Variants in TDP1 observed in about 807,000 individuals in gnomAD.
The protein encoded by TDP1 is tyrosyl-DNA phosphodiesterase 1, also known as tyr-DNA phosphodiesterase 1.
In TDP1, 64 loss-of-function variants were observed where a neutral mutation model predicts 81.5. That is an observed-to-expected ratio of 0.79 (90% CI 0.64 to 0.97). TDP1 has a LOEUF of 0.97. Ranked by LOEUF, TDP1 falls within the 50% of genes least tolerant of loss-of-function variation. The probability of loss-of-function intolerance (pLI) is 0.00; values close to 1 mark genes in which losing one functional copy is unlikely to be tolerated. For synonymous variants in TDP1, 256 were observed against 264.3 expected, an observed-to-expected ratio of 0.97 and a Z score of 0.30; for missense variants, 723 against 743.8, an observed-to-expected ratio of 0.97 and a Z score of 0.33.
chr14:90,008,680 T>G (rs1201814980), intron 14 of TDP1, among the ~76,000 whole-genome samples: 2 of 152,246 alleles, frequency 1.3e-5, no homozygotes, highest in African/African-American at 4.8e-5. Context: ...TATGCTTGTT[T>G]CATTATTTCT....
chr14:89,983,106 T>C (rs988317576), intron 8 of TDP1: 3 of 455,926 alleles, frequency 6.6e-6, no homozygotes, highest in African/African-American at 6.0e-5. Flanking sequence ...GTCTTGTTTC[T>C]CATCCAGAAC....
rs950797902 is a variant in TDP1 at position 89,980,784 on chromosome 14, T to G, written c.884+152T>G. On this transcript the variant is annotated intron_variant, in intron 8 of 16. Coordinates refer to ENST00000335725, the MANE Select transcript of TDP1 (RefSeq NM_018319.4). Reference sequence around the variant, plus strand: ...AAGAGTTGTATGCAGAAAAAGTTACTGTATTCTTTTACTACCTGCCCCATT... The same window carrying G: ...AAGAGTTGTATGCAGAAAAAGTTACGGTATTCTTTTACTACCTGCCCCATT... The G allele has an allele frequency of 4.3e-6, 3 of 702,664 alleles. No individual in the cohort carries two copies. The African/African-American group carries it at 5.4e-5, about 13-fold the overall frequency. 43.5% of individuals were successfully genotyped at this position (702,664 alleles called of 1,614,324 possible). A position where few individuals can be genotyped will look rare whatever the true frequency, so the allele number is the denominator to read the frequency against.
At chr14:89,962,799 G>C in intron 2 of TDP1, 1 of 395,614 alleles carries the variant, frequency 2.5e-6, no homozygotes, top group Non-Finnish European at 3.4e-6. Context: ...TTGAGCCCAG[G>C]AGGCAGATGT....
intron 13 of TDP1, 30 bp from the exon 14 acceptor site, chr14:89,993,346 A>G (rs939056477): frequency 2.6e-6 from 4 of 1,555,494 alleles, no homozygotes; most frequent in Non-Finnish European, 3.5e-6. Flanking sequence ...TTATTTCATA[A>G]TTAGTAACTT....
chr14:90,014,438 G>T (rs1306944478), intron 14 of TDP1, among the ~76,000 whole-genome samples: 3 of 152,188 alleles, frequency 2.0e-5, no homozygotes, highest in Admixed American at 2.0e-4. Flanking sequence ...TTTAGGAAAG[G>T]GCAACAGCAG....
intron 4 of TDP1, chr14:89,966,915 T>C: frequency 2.3e-6 from 2 of 868,292 alleles, no homozygotes; most frequent in Non-Finnish European, 2.8e-6. Context: ...CCCAGGTGGC[T>C]GTGTACAAAG....
chr14:89,974,419 T>C (rs1473165992), intron 6 of TDP1, among the ~76,000 whole-genome samples: 2 of 152,182 alleles, frequency 1.3e-5, no homozygotes, highest in Admixed American at 6.5e-5. Context: ...AAACATGAAA[T>C]AGAGTTCCCT....
intron 11 of TDP1, chr14:89,989,356 A>G (rs905404356): frequency 3.0e-6 from 3 of 985,218 alleles, no homozygotes; most frequent in Admixed American, 6.2e-5. Flanking sequence ...TGATTTTTCT[A>G]TCCTTTCTTT....
chr14:89,962,873 C>CAAA, intron 2 of TDP1: 1 of 718,832 alleles, frequency 1.4e-6, no homozygotes, highest in Non-Finnish European at 1.7e-6. Context: ...GACCCTGTTT[C>CAAA]AAAAAAAAAA....
At chr14:90,035,607 A>G (rs1478943575) in intron 16 of TDP1, among the ~76,000 whole-genome samples, 1 of 152,182 alleles carries the variant, frequency 6.6e-6, no homozygotes, top group Non-Finnish European at 1.5e-5. Context: ...AACTGTGAGT[A>G]TCTACCTTAT....
At chr14:90,018,336 C>G (rs566256319) in intron 14 of TDP1, among the ~76,000 whole-genome samples, 1 of 152,172 alleles carries the variant, frequency 6.6e-6, no homozygotes, top group Non-Finnish European at 1.5e-5. Flanking sequence ...CTGCCACATT[C>G]GCTTATAAAA....
chr14:89,974,712 T>C (rs1894070163), intron 6 of TDP1, among the ~76,000 whole-genome samples: 1 of 152,206 alleles, frequency 6.6e-6, no homozygotes, highest in African/African-American at 2.4e-5. Flanking sequence ...CTCAGAATGG[T>C]ACCGTTTTAA....
chr14:89,973,535 A>G (rs1893895265), intron 6 of TDP1, among the ~76,000 whole-genome samples: 1 of 152,082 alleles, frequency 6.6e-6, no homozygotes, highest in African/African-American at 2.4e-5. Context: ...GCACCTTTAT[A>G]CCTTGTCTGT....
At chr14:90,041,621 T>C (rs1049786545) in intron 16 of TDP1, among the ~76,000 whole-genome samples, 5 of 152,216 alleles carry the variant, frequency 3.3e-5, no homozygotes, top group Non-Finnish European at 5.9e-5. Flanking sequence ...AGTTCGCAGT[T>C]GGGAGACACT....
intron 14 of TDP1, among the ~76,000 whole-genome samples, chr14:90,011,976 CAG>C (rs1426359914): frequency 2.6e-5 from 4 of 152,358 alleles, no homozygotes; most frequent in African/African-American, 9.6e-5. Flanking sequence ...GTCTTCACGG[CAG>C]ACCCTCCCAT....
chr14:89,958,613 A>G (rs1891954014), intron 2 of TDP1, among the ~76,000 whole-genome samples: 1 of 152,194 alleles, frequency 6.6e-6, no homozygotes, highest in African/African-American at 2.4e-5. Context: ...AATGTAAAAA[A>G]CCAATTAGGG....
At chr14:89,983,814 G>A (rs1392082867) in intron 8 of TDP1, among the ~76,000 whole-genome samples, 1 of 152,154 alleles carries the variant, frequency 6.6e-6, no homozygotes, top group Non-Finnish European at 1.5e-5. Flanking sequence ...AAAGAGCATT[G>A]TTTTCCTCTA....
In TDP1 at chr14:89,956,564, C is replaced by A. The variant is rs28365055; in HGVS notation, c.-230-14C>A. The A allele has an allele frequency of 0.25, 38,280 of 152,240 alleles. 8,005 individuals are homozygous for A. Among genetic ancestry groups the A allele is most frequent in the African/African-American group, 0.56 (23,375 of 41,434 alleles). 9.4% of individuals were successfully genotyped at this position (152,240 alleles called of 1,614,324 possible). On this transcript the variant is annotated splice_polypyrimidine_tract_variant and intron_variant, in intron 1 of 16. Coordinates refer to ENST00000335725, the MANE Select transcript of TDP1 (RefSeq NM_018319.4). ...GCCCTCTCACTTCCTTTGTCTTCAACCCATTCTCCGCAGAGTTGGAGCACA... is the reference window on the plus strand; with the variant it reads ...GCCCTCTCACTTCCTTTGTCTTCAAACCATTCTCCGCAGAGTTGGAGCACA...
intron 14 of TDP1, among the ~76,000 whole-genome samples, chr14:90,000,643 C>T (rs995083656): frequency 6.6e-6 from 1 of 152,206 alleles, no homozygotes; most frequent in Non-Finnish European, 1.5e-5. Flanking sequence ...CCTCGGCCCC[C>T]CAAAGTGCTG....
Sources: gnomAD v4.1 joint callset for allele counts (sites outside exome capture counted in the v4.1 genomes callset) on GRCh38, gnomAD v4.1.1 for gene constraint, MANE v1.5 for transcripts, NCBI Gene and HGNC (gene_info 2026-07-23, HGNC 2026-07-21) for gene names.